Variants in PPP2R2C observed in about 807,000 individuals in gnomAD.
PPP2R2C encodes protein phosphatase 2 regulatory subunit Bgamma, also known as protein phosphatase 2, regulatory subunit B, gamma.
Under a neutral mutation model 45.3 loss-of-function variants are expected in PPP2R2C, and 10 were observed. The ratio of observed to expected loss-of-function variants is 0.22; its 90% CI spans 0.14 to 0.37. The LOEUF (loss-of-function observed/expected upper bound fraction) is 0.37. Among genes scored for constraint, PPP2R2C ranks in the 10% least tolerant of loss-of-function variants. PPP2R2C has a pLI of 1.00. For synonymous variants in PPP2R2C, 257 were observed against 245.4 expected (o/e 1.05, Z -0.44); for missense variants, 308 against 619.7 (o/e 0.50, Z 5.34).
At chr4:6,496,376 G>C (rs552635285) in intron 2 of PPP2R2C, among the ~76,000 whole-genome samples, 7 of 152,306 alleles carry the variant, frequency 4.6e-5, no homozygotes, top group African/African-American at 7.2e-5. Flanking sequence ...GATTTACTGA[G>C]AGCTGATCTG....
chr4:6,423,882 T>A (rs923416160), intron 1 of PPP2R2C, among the ~76,000 whole-genome samples: 3 of 151,324 alleles, frequency 2.0e-5, no homozygotes, highest in Non-Finnish European at 4.4e-5. Context: ...TAAGTTAGAA[T>A]CAAATGTTTT....
At chr4:6,526,346 C>G (rs1724209374) in intron 2 of PPP2R2C, among the ~76,000 whole-genome samples, 1 of 152,252 alleles carries the variant, frequency 6.6e-6, no homozygotes, top group African/African-American at 2.4e-5. Context: ...GGTTAGCCAG[C>G]CTGCAGGCTG....
At chr4:6,479,123 CT>C (rs1243989500) in intron 2 of PPP2R2C, among the ~76,000 whole-genome samples, 1 of 152,218 alleles carries the variant, frequency 6.6e-6, no homozygotes, top group African/African-American at 2.4e-5. Flanking sequence ...CAAACCGCAC[CT>C]TTCTCCCAAG....
intron 2 of PPP2R2C, among the ~76,000 whole-genome samples, chr4:6,519,610 T>C (rs762286415): frequency 6.6e-6 from 1 of 152,240 alleles, no homozygotes; most frequent in East Asian, 1.9e-4. Flanking sequence ...TGGTGAGGCA[T>C]GTACATTCAG....
chr4:6,476,001 G>A (rs575977806), upstream of PPP2R2C, among the ~76,000 whole-genome samples: 8 of 152,306 alleles, frequency 5.3e-5, no homozygotes, highest in Non-Finnish European at 7.4e-5. Flanking sequence ...GGGAGCACAC[G>A]GCGAGACAGT....
chr4:6,553,835 T>A (rs1302643475), intron 1 of PPP2R2C, among the ~76,000 whole-genome samples: 1 of 152,002 alleles, frequency 6.6e-6, no homozygotes, highest in Admixed American at 6.6e-5. Flanking sequence ...ACCTCATTTA[T>A]CCTTGGTAGC....
chr4:6,423,772 A>G (rs769926350), intron 1 of PPP2R2C, among the ~76,000 whole-genome samples: 78 of 152,318 alleles, frequency 5.1e-4, no homozygotes, highest in Non-Finnish European at 8.7e-4. Context: ...TGTTTGAGGA[A>G]CTGAAAGATC....
chr4:6,387,647 C>A (rs1332151223), intron 1 of PPP2R2C, among the ~76,000 whole-genome samples: 1 of 151,956 alleles, frequency 6.6e-6, no homozygotes, highest in Non-Finnish European at 1.5e-5. Flanking sequence ...CCTGTCTCTA[C>A]TAAAAATACA....
intron 2 of PPP2R2C, among the ~76,000 whole-genome samples, chr4:6,500,004 C>T (rs529732338): frequency 1.3e-5 from 2 of 152,296 alleles, no homozygotes; most frequent in East Asian, 3.9e-4. Context: ...TCTGCCTGCT[C>T]CCACTAGTTG....
At position 6,511,784 on chromosome 4, in the gene PPP2R2C, TGG is replaced by T. The variant is rs1319009864; in HGVS notation, c.49+23485_49+23486del. The stretch of plus-strand genomic sequence containing the variant: ...GTGGTGATGGTGATGGTGGTAATGG[TGG>T]TGGTGATGGTGATGGTGGTGTTGGT... On this transcript the variant is annotated intron_variant, in intron 2 of 9. Coordinates refer to the PPP2R2C transcript ENST00000506140. Among the ~76,000 whole-genome samples the T allele has an allele frequency of 7.8e-4, 64 of 82,540 alleles. 7 individuals are homozygous for T. The highest frequency in any genetic ancestry group is 1.3e-3 in the Non-Finnish European group (49 of 37,424). The allele number at this position is 82,540 out of a possible 152,430, so 54.1% of individuals were successfully genotyped here.
At chr4:6,518,922 T>TAAAAAAAAAAAAAAAAAAAAAAA (rs56002128) in intron 2 of PPP2R2C, among the ~76,000 whole-genome samples, 13 of 92,918 alleles carry the variant, frequency 1.4e-4, no homozygotes, top group Non-Finnish European at 2.0e-4. Flanking sequence ...GACTCTGTCT[T>TAAAAAAAAAAAAAAAAAAAAAAA]AAAAAAAAAA....
At chr4:6,501,835 A>G (rs898270583) in intron 2 of PPP2R2C, among the ~76,000 whole-genome samples, 74 of 152,346 alleles carry the variant, frequency 4.9e-4, no homozygotes, top group African/African-American at 1.7e-3. Context: ...ACCTGGTCCA[A>G]ACAATGGCCT....
rs573430457 is a variant in PPP2R2C at position 6,563,173 on chromosome 4, G to T, written c.-59+387C>A. ...GGGCAGCGAGGGGGGGCTCGAGCGC[G>T]CCGGTTCTCGGCCGAGACGCTGTGG... On this transcript the variant is annotated intron_variant, in intron 1 of 9. Coordinates refer to the PPP2R2C transcript ENST00000506140. The surrounding 1 kb of genome is among the most constrained non-coding windows in gnomAD (Gnocchi z 5.8). Among the ~76,000 whole-genome samples the T allele has an allele frequency of 1.3e-5, 2 of 152,316 alleles. No individual in the cohort carries two copies. The highest frequency in any genetic ancestry group is 2.9e-5 in the Non-Finnish European group (2 of 68,018).
rs567464329 is a variant in PPP2R2C at position 6,535,487 on chromosome 4, G to A, written c.-58-110C>T. On this transcript the variant is annotated intron_variant, in intron 1 of 9. Coordinates refer to the PPP2R2C transcript ENST00000506140. ...ACCGCCACCCACGGCCGCCCTGGCC[G>A]CCGCCCGGCACAGCTCCAGCCAGCC... 9.1e-5 allele frequency: 67 copies of A among 732,298 alleles called. No homozygotes were observed. The East Asian group carries it at 1.3e-3, about 14-fold the overall frequency. 45.4% of individuals were successfully genotyped at this position (732,298 alleles called of 1,614,324 possible).
At position 6,333,689 on chromosome 4, in the gene PPP2R2C, G is replaced by A. The variant is rs760422388; in HGVS notation, c.833C>T (p.Ser278Leu). 6.2e-7 allele frequency: 1 copy of A among 1,614,152 alleles called. No homozygotes were observed. The highest frequency in any genetic ancestry group is 1.7e-5 in the Admixed American group (1 of 60,020). ...GTCGGACACGGAGGAGATGATTTCC[G>A]AGAAGAATGAGCGGTTACTGGGGTC... is the stretch of plus-strand genomic sequence containing the variant. Reference protein sequence around the residue: ...PEDPSNRSFFSEIISSVSDVK... With the variant: ...PEDPSNRSFFLEIISSVSDVK... The change falls in exon 7 of 9, where the codon TCG (serine) becomes TTG (leucine). Residue 278 changes from serine (S) to leucine (L), a missense_variant. Physicochemically the swap from Ser to Leu is moderately radical, Grantham distance 145. Transcript: ENST00000382599.
chr4:6,323,174 A>G lies in PPP2R2C; in HGVS notation c.*128T>C, dbSNP rs985769358. On this transcript the variant is annotated 3_prime_UTR_variant, in exon 9 of 9. Transcript: ENST00000382599. ...GGGCCCAAACTTCCTGTGTCCACACACTGCCACCTCTGCAGCTGTCCTCAT... is the reference window on the plus strand; with the variant it reads ...GGGCCCAAACTTCCTGTGTCCACACGCTGCCACCTCTGCAGCTGTCCTCAT... 8.6e-7 allele frequency: 1 copy of G among 1,159,128 alleles called. No individual in the cohort carries two copies. Among genetic ancestry groups the G allele is most frequent in the Non-Finnish European group, 1.2e-6 (1 of 859,228 alleles). The allele number at this position is 1,159,128 out of a possible 1,614,324, so 71.8% of individuals were successfully genotyped here.
chr4:6,335,817 C>T (rs915730096), intron 6 of PPP2R2C, among the ~76,000 whole-genome samples: 62 of 151,942 alleles, frequency 4.1e-4, no homozygotes, highest in African/African-American at 1.3e-3. Flanking sequence ...CCTCTGGTAT[C>T]CCCCCAAATC....
intron 1 of PPP2R2C, among the ~76,000 whole-genome samples, chr4:6,560,676 C>A (rs1166587210): frequency 2.0e-5 from 3 of 152,194 alleles, no homozygotes; most frequent in African/African-American, 7.2e-5. Flanking sequence ...GGAGCTGCAC[C>A]CGCTTCACAA....
chr4:6,463,860 C>T (rs942341393), intron 1 of PPP2R2C, among the ~76,000 whole-genome samples: 4 of 152,238 alleles, frequency 2.6e-5, no homozygotes, highest in African/African-American at 7.2e-5. Flanking sequence ...TGAACCCTCT[C>T]GATTGCCTTT....
Sources: allele counts gnomAD v4.1 joint callset (sites outside exome capture counted in the v4.1 genomes callset), GRCh38; gene constraint gnomAD v4.1.1; non-coding constraint Gnocchi (gnomAD v3.1); transcripts MANE v1.5; gene names NCBI Gene and HGNC (gene_info 2026-07-23, HGNC 2026-07-21).